Variants in P2RX6 observed in about 807,000 individuals in gnomAD.
P2RX6 encodes the protein purinergic receptor P2X 6, also known as P2X purinoceptor 6.
A neutral mutation model predicts 54.2 loss-of-function variants in P2RX6; 62 were observed. That is an observed-to-expected ratio of 1.14 (90% confidence interval 0.93 to 1.41). The LOEUF (loss-of-function observed/expected upper bound fraction) is 1.41, where lower values mean the gene tolerates loss of function less well. Among genes scored for constraint, P2RX6 ranks in the 40% most tolerant of loss-of-function variants. The probability of loss-of-function intolerance (pLI) is 0.00; values close to 1 mark genes in which losing one functional copy is unlikely to be tolerated. For missense variants in P2RX6, 541 were observed against 566.3 expected (o/e 0.96, Z 0.45); for synonymous variants, 211 against 231.9 (o/e 0.91, Z 0.82).
chr22:21,022,814 T>C, intron 4 of P2RX6, 63 bp downstream of exon 4: 1 of 1,490,368 alleles, frequency 6.7e-7, no homozygotes, highest in Non-Finnish European at 9.1e-7. Flanking sequence ...GGATCCTGGG[T>C]GGCTCCTGAG....
Position 21,026,052 on chromosome 22 carries a change from C to CACCG in P2RX6, c.1027_1030dup (p.Gly344AspfsTer14), listed in dbSNP as rs1928387504. ...TCATCCCCACGGCCGTCACACTGGGCACCGGGGCAGCTTGGCTGGGCGTGG... is the reference window on the plus strand; with the variant it reads ...TCATCCCCACGGCCGTCACACTGGGCACCGACCGGGGCAGCTTGGCTGGGCGTGG... On this transcript the variant is annotated frameshift_variant, in exon 10 of 12. Transcript: ENST00000413302. LOFTEE classifies it high-confidence loss of function. This position sits in a 1 kb window ranked among gnomAD's most constrained non-coding sequence, Gnocchi z 4.0. 6.2e-7 allele frequency: 1 copy of CACCG among 1,611,728 alleles called. No homozygotes were observed. The highest frequency in any genetic ancestry group is 1.3e-5 in the African/African-American group (1 of 74,900).
At chr22:21,015,047 C>G, upstream of P2RX6, 1 of 557,972 alleles carries the variant, frequency 1.8e-6, no homozygotes, top group Non-Finnish European at 3.0e-6. Context: ...GGGTTGAGGG[C>G]TGGGTGTTGG....
Position 21,022,724 on chromosome 22 carries a change from G to A in P2RX6, c.436G>A (p.Glu146Lys), listed in dbSNP as rs764304998. 35 of 1,578,386 alleles carry A rather than the reference G, an allele frequency of 2.2e-5. No homozygotes were observed. Among genetic ancestry groups the A allele is most frequent in the African/African-American group, 1.6e-4 (12 of 73,724 alleles). ...ANCWVDEDCPEGEGGTHSHGV... is the reference protein window; with the variant it reads ...ANCWVDEDCPKGEGGTHSHGV... ...CTGCTGGGTCGACGAGGACTGCCCC[G>A]AAGGGGAGGGAGGCACACACAGCCA... The change falls in exon 4 of 12, where the codon GAA becomes AAA. Residue 146 changes from glutamate (E) to lysine (K), a missense_variant. Glu to Lys is a moderately conservative substitution (Grantham distance 56). Around this residue, in one of 2 missense-constraint regions of P2RX6, gnomAD observed 526 missense variants for 531.5 expected, o/e 0.99. Coordinates refer to ENST00000413302, the MANE Select transcript of P2RX6 (RefSeq NM_005446.5).
Position 21,023,196 on chromosome 22 carries a change from T to C in P2RX6, c.636T>C (p.Ser212=), listed in dbSNP as rs751956803. Residue 212 remains serine, a splice_region_variant and synonymous_variant, in exon 6 of 12, where the codon TCT becomes TCC. Coordinates refer to ENST00000413302, the MANE Select transcript of P2RX6 (RefSeq NM_005446.5). Reference sequence around the variant, plus strand: ...TCACCTTCAGCAAGTTCAACTTCTCTAAGTAAGCAGAGTGGGTCTCATCTG... The same window carrying C: ...TCACCTTCAGCAAGTTCAACTTCTCCAAGTAAGCAGAGTGGGTCTCATCTG... ...NTVTFSKFNF[S]KSNALETWDP... The C allele has an allele frequency of 6.2e-7, 1 of 1,613,748 alleles. No individual in the cohort carries two copies. The highest frequency in any genetic ancestry group is 8.5e-7 in the Non-Finnish European group (1 of 1,179,786).
chr22:21,025,900 T>C lies in P2RX6; in HGVS notation c.984+2T>C. ...TTCGACATCCTCGTCACCGGGCAGG[T>C]AGGCACAGGTAGGGGTCAGGCCGGG... is the stretch of plus-strand genomic sequence containing the variant. On this transcript the variant is annotated splice_donor_variant, in intron 9 of 11. Transcript: ENST00000413302. LOFTEE classifies it high-confidence loss of function. 1 of 1,578,020 alleles carries C rather than the reference T, an allele frequency of 6.3e-7. No homozygotes were observed. The highest frequency in any genetic ancestry group is 8.6e-7 in the Non-Finnish European group (1 of 1,162,294).
chr22:21,024,616 G>C (rs1928071745), intron 8 of P2RX6, among the ~76,000 whole-genome samples: 1 of 151,440 alleles, frequency 6.6e-6, no homozygotes, highest in Admixed American at 6.6e-5. Context: ...TGTAGTCCAG[G>C]CTGGAATGCA....
chr22:21,017,744 A>C (rs1384436668), intron 2 of P2RX6, among the ~76,000 whole-genome samples: 1 of 152,118 alleles, frequency 6.6e-6, no homozygotes, highest in African/African-American at 2.4e-5. Context: ...GCACACACAC[A>C]CACAAATTTT....
At chr22:21,013,497 A>G (rs1925887897), upstream of P2RX6, among the ~76,000 whole-genome samples, 1 of 152,176 alleles carries the variant, frequency 6.6e-6, no homozygotes. Context: ...CTGAGGCAGG[A>G]GGCTCACCAG....
intron 8 of P2RX6, among the ~76,000 whole-genome samples, chr22:21,025,159 G>T (rs1039679509): frequency 6.6e-6 from 1 of 152,150 alleles, no homozygotes; most frequent in African/African-American, 2.4e-5. Context: ...GGGATTACAG[G>T]TGTGAGCCAC....
At chr22:21,012,620 A>G (rs1925804525), upstream of P2RX6, 2 of 595,738 alleles carry the variant, frequency 3.4e-6, no homozygotes, top group East Asian at 3.8e-5. Flanking sequence ...CACTTGACAT[A>G]TGGATTGGAG....
rs748714427 is a variant in P2RX6, at chr22:21,015,277, A to G, written c.103A>G (p.Asn35Asp). The G allele has an allele frequency of 1.8e-5, 28 of 1,553,586 alleles. No individual in the cohort carries two copies. The highest frequency in any genetic ancestry group is 2.2e-5 in the Admixed American group (1 of 46,474). ...GACGGAGAAGTATGTGATGACCAGG[A>G]ACTGGCGGGTGGGCGCCCTGCAGAG... ...YKTEKYVMTRNWRVGALQRLL... is the reference protein window; with the variant it reads ...YKTEKYVMTRDWRVGALQRLL... The change falls in exon 1 of 12, where the codon AAC becomes GAC. Residue 35 changes from asparagine (N) to aspartate (D), a missense_variant. This residue lies in a region of P2RX6 where 526 missense variants were observed against 531.5 expected (regional missense o/e 0.99). Transcript: ENST00000413302.
upstream of P2RX6, chr22:21,015,001 T>G: frequency 2.0e-6 from 1 of 511,238 alleles, no homozygotes. Context: ...AAAGGGAATG[T>G]AGGGAGGGTG....
Position 21,023,629 on chromosome 22 carries a change from A to T in P2RX6, c.890+11A>T, listed in dbSNP as rs1316454234. On this transcript the variant is annotated intron_variant, in intron 8 of 11. Transcript: ENST00000413302. ...GAGCTACAACTTCAGGTGAGGCCCC[A>T]CTGCTCCCAGTGCCCAGCTGCTGGG... The T allele has an allele frequency of 6.4e-7, 1 of 1,571,262 alleles. No individual in the cohort carries two copies. The highest frequency in any genetic ancestry group is 1.4e-5 in the African/African-American group (1 of 74,062).
At chr22:21,011,559 C>T (rs1925737938), upstream of P2RX6, 6 of 715,406 alleles carry the variant, frequency 8.4e-6, no homozygotes, top group East Asian at 1.6e-4. Context: ...GGGCTCCTGC[C>T]ACTCCCAGCT....
At chr22:21,011,991 C>T (rs555311277), upstream of P2RX6, among the ~76,000 whole-genome samples, 22 of 152,328 alleles carry the variant, frequency 1.4e-4, no homozygotes, top group South Asian at 4.3e-3. Context: ...ATGGGTCACA[C>T]ACTCTGCTGA....
intron 2 of P2RX6, 145 bp from the exon 3 acceptor site, chr22:21,017,844 T>A: frequency 1.4e-6 from 1 of 705,208 alleles, no homozygotes; most frequent in Non-Finnish European, 2.6e-6. Context: ...CAGCCTCCCA[T>A]CTCTGCTTCA....
chr22:21,026,439 C>A lies in P2RX6; in HGVS notation c.1148C>A (p.Thr383Asn), dbSNP rs746825528. 5 of 1,602,476 alleles carry A rather than the reference C, an allele frequency of 3.1e-6. No individual in the cohort carries two copies. Among genetic ancestry groups the A allele is most frequent in the Non-Finnish European group, 4.3e-6 (5 of 1,175,010 alleles). The change falls in exon 12 of 12, where the codon ACC (threonine) becomes AAC (asparagine). Residue 383 changes from threonine (T) to asparagine (N), a missense_variant. Around this residue, in one of 2 missense-constraint regions of P2RX6, gnomAD observed 526 missense variants for 531.5 expected, o/e 0.99. Transcript: ENST00000413302. This position sits in a 1 kb window ranked among gnomAD's most constrained non-coding sequence, Gnocchi z 4.0. ...CTGCAGGCCAAGGCCCCGAAAGCAACCGCCAACTCTGTGTGGAGGGAGCTG... is the reference window on the plus strand; with the variant it reads ...CTGCAGGCCAAGGCCCCGAAAGCAAACGCCAACTCTGTGTGGAGGGAGCTG... The part of the protein sequence containing the change: ...KYEEAKAPKA[T>N]ANSVWRELAL...
At chr22:21,022,545 G>A (rs986278254) in intron 3 of P2RX6, 131 bp from the exon 4 acceptor site, 21 of 598,744 alleles carry the variant, frequency 3.5e-5, no homozygotes, top group African/African-American at 2.5e-4. Context: ...CTCTGGCGGC[G>A]GGGTGGTGAG....
At chr22:21,016,324 G>A (rs1447015019) in intron 2 of P2RX6, among the ~76,000 whole-genome samples, 6 of 151,942 alleles carry the variant, frequency 3.9e-5, no homozygotes, top group African/African-American at 9.7e-5. Flanking sequence ...AGGGTTGGAC[G>A]TGCTGGCTCA....
Sources: allele counts gnomAD v4.1 joint callset (sites outside exome capture counted in the v4.1 genomes callset), GRCh38; gene constraint gnomAD v4.1.1; regional missense constraint gnomAD v4.1.1; non-coding constraint Gnocchi (gnomAD v3.1); transcripts MANE v1.5; gene names NCBI Gene and HGNC (gene_info 2026-07-23, HGNC 2026-07-21).